Variants in LARS1 observed in about 807,000 individuals in gnomAD.
The protein encoded by LARS1 is leucyl-tRNA synthetase 1.
LARS1 carries 100 observed loss-of-function variants against 162.8 expected under a neutral mutation model. The ratio of observed to expected loss-of-function variants is 0.61; its 90% CI spans 0.52 to 0.73. The LOEUF (loss-of-function observed/expected upper bound fraction) is 0.73, where lower values mean the gene tolerates loss of function less well. LARS1 is among the 30% of genes least tolerant of loss of function. LARS1 has a pLI of 0.00. For missense variants in LARS1, 1,258 were observed against 1,408.9 expected, an observed-to-expected ratio of 0.89 and a Z score of 1.71; for synonymous variants, 457 against 462.8, an observed-to-expected ratio of 0.99 and a Z score of 0.16.
intron 31 of LARS1, among the ~76,000 whole-genome samples, chr5:146,115,927 G>A (rs985391758): frequency 6.6e-6 from 1 of 152,174 alleles, no homozygotes; most frequent in African/African-American, 2.4e-5. Flanking sequence ...GTATAAGAGG[G>A]ATAAGAGATA....
intron 31 of LARS1, among the ~76,000 whole-genome samples, chr5:146,114,606 G>C (rs1415831569): frequency 1.3e-5 from 2 of 151,744 alleles, no homozygotes; most frequent in African/African-American, 2.4e-5. Flanking sequence ...CCTGGTGATG[G>C]GCGCCTGTGA....
At chr5:146,143,247 C>G in intron 19 of LARS1, 163 bp from the exon 20 acceptor site, 1 of 899,568 alleles carries the variant, frequency 1.1e-6, no homozygotes, top group Non-Finnish European at 1.6e-6. Context: ...TAGATGATGA[C>G]AGTAAGGGGC....
intron 2 of LARS1, among the ~76,000 whole-genome samples, chr5:146,174,469 T>TATATATATATATCC (rs2126592438): frequency 1.5e-4 from 1 of 6,818 alleles, no homozygotes; most frequent in South Asian, 6.8e-3. Flanking sequence ...TATATCCATA[T>TATATATATATATCC]ATATATATAT....
chr5:146,174,274 C>T (rs1011161603), intron 2 of LARS1, among the ~76,000 whole-genome samples: 4 of 149,056 alleles, frequency 2.7e-5, no homozygotes, highest in African/African-American at 7.3e-5. Flanking sequence ...GGAGAAAACC[C>T]GTCTCTAGTA....
intron 10 of LARS1, among the ~76,000 whole-genome samples, chr5:146,155,861 G>A (rs1581059219): frequency 1.3e-5 from 2 of 152,124 alleles, no homozygotes; most frequent in East Asian, 3.8e-4. Context: ...CCAACATTAG[G>A]AACTAAAGAG....
At chr5:146,177,958 C>T (rs962331221) in intron 1 of LARS1, among the ~76,000 whole-genome samples, 10 of 151,862 alleles carry the variant, frequency 6.6e-5, no homozygotes, top group African/African-American at 2.4e-4. Flanking sequence ...ATTAGCTGGG[C>T]GTGGTGGCGG....
chr5:146,149,737 CAGTT>C (rs2126507948), intron 14 of LARS1, 38 bp from the exon 15 acceptor site: 1 of 1,424,800 alleles, frequency 7.0e-7, no homozygotes, highest in South Asian at 1.2e-5. Context: ...ACATATAAAA[CAGTT>C]AGAATCTGCC....
chr5:146,139,912 G>A (rs188383833), intron 21 of LARS1, among the ~76,000 whole-genome samples: 8 of 147,108 alleles, frequency 5.4e-5, no homozygotes, highest in African/African-American at 1.0e-4. Flanking sequence ...TTTATGCCTC[G>A]TCCTAAATAT....
At chr5:146,130,294 G>A (rs1752224601) in intron 24 of LARS1, 136 bp from the exon 25 acceptor site, 2 of 815,928 alleles carry the variant, frequency 2.5e-6, no homozygotes. Context: ...TTACTGTAAA[G>A]GTTTTACTTT....
intron 24 of LARS1, chr5:146,130,694 AT>A: frequency 4.8e-6 from 1 of 208,700 alleles, no homozygotes; most frequent in Non-Finnish European, 9.4e-6. Context: ...ATTAATGGCA[AT>A]TAATTACAAT....
chr5:146,179,746 T>A (rs1754751582), intron 1 of LARS1: 1 of 390,836 alleles, frequency 2.6e-6, no homozygotes, highest in Admixed American at 2.9e-5. Flanking sequence ...ACTACAGGCA[T>A]ATGCACCACC....
intron 5 of LARS1, among the ~76,000 whole-genome samples, chr5:146,165,284 G>C (rs1247605615): frequency 6.6e-6 from 1 of 152,126 alleles, no homozygotes; most frequent in Non-Finnish European, 1.5e-5. Flanking sequence ...AGTGAGCCGA[G>C]ACTGTGCCAC....
intron 2 of LARS1, among the ~76,000 whole-genome samples, chr5:146,175,168 G>A (rs1042825858): frequency 2.0e-5 from 3 of 151,788 alleles, no homozygotes; most frequent in African/African-American, 4.8e-5. Context: ...GCAGTGAGCT[G>A]AGATCACACA....
chr5:146,168,243 C>A lies in LARS1; in HGVS notation c.317G>T (p.Arg106Ile). 6.2e-7 allele frequency: 1 copy of A among 1,612,526 alleles called. No individual in the cohort carries two copies. Residue 106 changes from arginine (R) to isoleucine (I), a missense_variant, in exon 5 of 32, where the codon AGA becomes ATA. Physicochemically the swap from Arg to Ile is moderately conservative, Grantham distance 97. Coordinates refer to ENST00000394434, the MANE Select transcript of LARS1 (RefSeq NM_020117.11). ...GGGGCAACCATACAGCTCTATTTCT[C>A]TTTTCAACTTATCAGCACATGCCTA... ...PIKACADKLK[R>I]EIELYGCPPD...
intron 4 of LARS1, among the ~76,000 whole-genome samples, chr5:146,171,637 C>T (rs1198587655): frequency 2.6e-5 from 4 of 152,268 alleles, no homozygotes; most frequent in Admixed American, 6.5e-5. Context: ...AAAACAGAAT[C>T]AGTTATTACC....
intron 8 of LARS1, among the ~76,000 whole-genome samples, chr5:146,159,006 G>A (rs1161355236): frequency 6.6e-6 from 1 of 151,744 alleles, no homozygotes; most frequent in African/African-American, 2.4e-5. Context: ...TGAGGCAGGA[G>A]AATGGCGTGA....
Position 146,168,202 on chromosome 5 carries a change from C to T in LARS1, c.358G>A (p.Glu120Lys). The T allele has an allele frequency of 6.2e-7, 1 of 1,613,352 alleles. No individual in the cohort carries two copies. Among genetic ancestry groups the T allele is most frequent in the Non-Finnish European group, 8.5e-7 (1 of 1,179,448 alleles). ...LYGCPPDFPD[E>K]EEEEEETSVK... ...CTGGTTTCTTCCTCTTCCTCTTCTT[C>T]ATCTGGAAAATCAGGGGGGCAACCA... The change falls in exon 5 of 32, where the codon GAA (glutamate) becomes AAA (lysine). Residue 120 changes from glutamate (E) to lysine (K), a missense_variant. Coordinates refer to ENST00000394434, the MANE Select transcript of LARS1 (RefSeq NM_020117.11).
chr5:146,137,145 G>A (rs768848770), intron 21 of LARS1, among the ~76,000 whole-genome samples: 5 of 152,106 alleles, frequency 3.3e-5, no homozygotes, highest in Admixed American at 6.5e-5. Flanking sequence ...TGATCCACCC[G>A]CCTTGGCCTC....
rs1213188299 is a variant in LARS1, at chr5:146,131,097, T to C, written c.2409A>G (p.Ala803=). Residue 803 remains alanine (A), a synonymous_variant, in exon 24 of 32, where the codon GCA becomes GCG. Coordinates refer to ENST00000394434, the MANE Select transcript of LARS1 (RefSeq NM_020117.11). ...AGTTTTGATCTGTTTTTATAATTCC[T>C]GCATTCAATTCACTATTGAATACGG... ...NDRVFASELN[A]GIIKTDQNYE... is the part of the protein sequence containing the mutation. 1 of 1,555,330 alleles carries C rather than the reference T, an allele frequency of 6.4e-7. No individual in the cohort carries two copies.
Sources: allele counts gnomAD v4.1 joint callset (sites outside exome capture counted in the v4.1 genomes callset), GRCh38; gene constraint gnomAD v4.1.1; transcripts MANE v1.5; gene names NCBI Gene and HGNC (gene_info 2026-07-23, HGNC 2026-07-21).